The following KNTC1 variants were observed in gnomAD, a reference collection of about 807,000 sequenced individuals.
The protein encoded by KNTC1 is kinetochore-associated protein 1.
Under a neutral mutation model 314.4 loss-of-function variants are expected in KNTC1, and 253 were observed. The observed-to-expected ratio is 0.80, with a 90% CI of 0.73 to 0.89. The LOEUF is 0.89. Ranked by LOEUF, KNTC1 falls within the 40% of genes least tolerant of loss-of-function variation. The probability of loss-of-function intolerance (pLI) is 0.00; values close to 1 mark genes in which losing one functional copy is unlikely to be tolerated. For missense variants in KNTC1, 2,475 were observed against 2,572.9 expected (o/e 0.96, Z 0.82); for synonymous variants, 901 against 901.4 (o/e 1.00, Z 0.01).
intron 5 of KNTC1, among the ~76,000 whole-genome samples, chr12:122,541,261 T>TTGCC (rs201311150): frequency 0.019 from 2,594 of 137,194 alleles, 90 homozygotes; most frequent in Non-Finnish European, 0.029. Context: ...TTGTTTGTGC[T>TTGCC]TGCCTGCCTG....
chr12:122,529,302 T>C (rs1344886644), intron 1 of KNTC1, among the ~76,000 whole-genome samples: 2 of 152,228 alleles, frequency 1.3e-5, no homozygotes, highest in African/African-American at 4.8e-5. Context: ...ATACTTCTAG[T>C]AGCACTTATG....
chr12:122,547,626 A>G lies in KNTC1; in HGVS notation c.932+96A>G, dbSNP rs183504995. The G allele has an allele frequency of 2.1e-4, 172 of 825,804 alleles. No homozygotes were observed. The African/African-American group carries it at 2.5e-3, about 12-fold the overall frequency. 51.2% of individuals were successfully genotyped at this position (825,804 alleles called of 1,614,324 possible). ...GGTCATTTATTATGTTTTACATTCT[A>G]AACAACACTGTGAAACAGTCTGACA... is the stretch of plus-strand genomic sequence containing the variant. On this transcript the variant is annotated intron_variant, in intron 11 of 63. Transcript: ENST00000333479.
At chr12:122,595,808 A>G (rs1870956437) in intron 43 of KNTC1, among the ~76,000 whole-genome samples, 1 of 152,186 alleles carries the variant, frequency 6.6e-6, no homozygotes, top group Non-Finnish European at 1.5e-5. Context: ...TGAAATTTAA[A>G]TAGCTATAAT....
intron 34 of KNTC1, 72 bp from the exon 35 acceptor site, chr12:122,584,206 T>C (rs1593608956): frequency 9.9e-7 from 1 of 1,012,064 alleles, no homozygotes; most frequent in Admixed American, 2.0e-5. Context: ...GGTGATATAT[T>C]AATCCAAGAA....
chr12:122,528,745 C>A (rs538131834), intron 1 of KNTC1, among the ~76,000 whole-genome samples: 6 of 152,316 alleles, frequency 3.9e-5, no homozygotes, highest in Admixed American at 3.9e-4. Context: ...TTTAAATCAT[C>A]TCTTGATTTC....
In KNTC1 at chr12:122,615,469, G is replaced by A; in HGVS notation, c.5974-1G>A. 6.6e-7 allele frequency: 1 copy of A among 1,512,506 alleles called. No homozygotes were observed. The highest frequency in any genetic ancestry group is 8.9e-7 in the Non-Finnish European group (1 of 1,126,202). 93.7% of individuals were successfully genotyped at this position (1,512,506 alleles called of 1,614,324 possible). A position where few individuals can be genotyped will look rare whatever the true frequency, so the allele number is the denominator to read the frequency against. On this transcript the variant is annotated splice_acceptor_variant, in intron 56 of 63. Coordinates refer to ENST00000333479, the MANE Select transcript of KNTC1 (RefSeq NM_014708.6). LOFTEE classifies it high-confidence loss of function. ...ACTTTTTTATTTTTAATTTTTTACA[G>A]ATTCCTTATCTAAGGAAAGTTTTAA...
intron 3 of KNTC1, among the ~76,000 whole-genome samples, chr12:122,538,044 G>C (rs551997179): frequency 3.8e-4 from 58 of 152,274 alleles, no homozygotes; most frequent in Admixed American, 7.8e-4. Context: ...TGAGGTGGGA[G>C]AATTGCCTGA....
chr12:122,612,200 G>A (rs559034235), intron 53 of KNTC1, among the ~76,000 whole-genome samples: 92 of 151,642 alleles, frequency 6.1e-4, no homozygotes, highest in African/African-American at 2.2e-3. Context: ...CGAGTAGCTG[G>A]GATTACAGGC....
chr12:122,614,603 G>A lies in KNTC1; in HGVS notation c.5878-388G>A, dbSNP rs559318272. 5.3e-5 allele frequency among the ~76,000 whole-genome samples: 8 copies of A among 152,164 alleles called. No individual in the cohort carries two copies. The East Asian group carries it at 5.8e-4, about 11-fold the overall frequency. Reference sequence around the variant, plus strand: ...CAGATTAGAAGCATATTTTGTGGCCGGGCGCAGTGGCTCATGCCTGTAATC... The same window carrying A: ...CAGATTAGAAGCATATTTTGTGGCCAGGCGCAGTGGCTCATGCCTGTAATC... On this transcript the variant is annotated intron_variant, in intron 55 of 63. Coordinates refer to ENST00000333479, the MANE Select transcript of KNTC1 (RefSeq NM_014708.6).
At chr12:122,586,377 C>T (rs374651926) in intron 37 of KNTC1, among the ~76,000 whole-genome samples, 26 of 152,118 alleles carry the variant, frequency 1.7e-4, no homozygotes, top group Admixed American at 1.2e-3. Context: ...CCACCGCGCC[C>T]GGCCGATGTT....
chr12:122,615,129 T>C (rs1374002398), intron 56 of KNTC1, 43 bp downstream of exon 56: 1 of 1,351,162 alleles, frequency 7.4e-7, no homozygotes, highest in Non-Finnish European at 1.0e-6. Context: ...ATTTGAAAGC[T>C]TTTGCACAGC....
chr12:122,569,178 C>T (rs888299635), intron 21 of KNTC1, among the ~76,000 whole-genome samples: 27 of 152,182 alleles, frequency 1.8e-4, no homozygotes, highest in Non-Finnish European at 3.5e-4. Context: ...GAGTCTAACT[C>T]CTAATCTTAG....
chr12:122,597,673 C>T (rs1226057886), intron 43 of KNTC1, 58 bp from the exon 44 acceptor site: 2 of 1,408,896 alleles, frequency 1.4e-6, no homozygotes, highest in East Asian at 4.6e-5. Context: ...TTGTCAGATA[C>T]TTTGCATGGA....
rs1270729051 is a variant in KNTC1, at chr12:122,562,640, G to A, written c.1545G>A (p.Val515=). ...TTATTAAATTATTTTTTCTTCAGGT[G>A]CTAAGAGCTCATGCAAAATTGACTA... ...ALIYSDGLKE[V]LRAHAKLTTF... Residue 515 remains valine (V), a splice_region_variant and synonymous_variant, in exon 20 of 64, where the codon GTG becomes GTA. Transcript: ENST00000333479. The A allele has an allele frequency of 1.3e-6, 2 of 1,581,034 alleles. No individual in the cohort carries two copies. Among genetic ancestry groups the A allele is most frequent in the Non-Finnish European group, 1.7e-6 (2 of 1,151,118 alleles).
intron 57 of KNTC1, among the ~76,000 whole-genome samples, chr12:122,616,974 A>C (rs964016598): frequency 6.6e-6 from 1 of 152,208 alleles, no homozygotes; most frequent in African/African-American, 2.4e-5. Flanking sequence ...TTGTATCAAC[A>C]GAATCCCACA....
chr12:122,575,623 G>T lies in KNTC1; in HGVS notation c.2463G>T (p.Gln821His). 1 of 1,594,288 alleles carries T rather than the reference G, an allele frequency of 6.3e-7. No individual in the cohort carries two copies. The highest frequency in any genetic ancestry group is 8.5e-7 in the Non-Finnish European group (1 of 1,169,744). ...CAGCTGTGGAGCAACTGGTGAAACA[G>T]CACCTGGAAATGGACCATCCCAAGT... ...WSAAVEQLVKQHLEMDHPKVK... is the reference protein window; with the variant it reads ...WSAAVEQLVKHHLEMDHPKVK... Residue 821 changes from glutamine (Q) to histidine (H), a missense_variant, in exon 28 of 64, where the codon CAG becomes CAT. By Grantham distance (24) the Gln-to-His change is conservative (BLOSUM62 0). Transcript: ENST00000333479.
chr12:122,623,762 CA>C (rs1158062736), intron 62 of KNTC1, among the ~76,000 whole-genome samples: 1 of 152,088 alleles, frequency 6.6e-6, no homozygotes, highest in African/African-American at 2.4e-5. Context: ...GAGTACAAAA[CA>C]TTGCTCCAAA....
At chr12:122,601,787 G>A in intron 45 of KNTC1, 162 bp downstream of exon 45, 1 of 766,660 alleles carries the variant, frequency 1.3e-6, no homozygotes, top group Non-Finnish European at 1.8e-6. Flanking sequence ...TTTAAAAAAA[G>A]AAAAAGATTT....
intron 1 of KNTC1, among the ~76,000 whole-genome samples, chr12:122,527,860 ACCT>A (rs1312395809): frequency 6.6e-6 from 1 of 151,970 alleles, no homozygotes; most frequent in Non-Finnish European, 1.5e-5. Flanking sequence ...CTCAGATGTC[ACCT>A]CCTTCCCTTC....
Sources: allele counts gnomAD v4.1 joint callset (sites outside exome capture counted in the v4.1 genomes callset), GRCh38; gene constraint gnomAD v4.1.1; transcripts MANE v1.5; gene names NCBI Gene and HGNC (gene_info 2026-07-23, HGNC 2026-07-21).